The following SPATA31H1 variants were observed in gnomAD, a reference collection of about 807,000 sequenced individuals.
SPATA31H1 encodes the protein SPATA31 subfamily H member 1.
At chr2:27,541,352 C>T in the SPATA31H1 span, among the ~76,000 whole-genome samples, 1 of 151,468 alleles carries the variant, frequency 6.6e-6, no homozygotes, top group African/African-American at 2.4e-5. Flanking sequence ...GCAGTACCGT[C>T]CAGCTTTGGC....
At chr2:27,564,116 T>G in the SPATA31H1 span, among the ~76,000 whole-genome samples, 1 of 152,224 alleles carries the variant, frequency 6.6e-6, no homozygotes, top group Non-Finnish European at 1.5e-5. Flanking sequence ...ATTTTCAATT[T>G]GAGGGTTCCT....
chr2:27,579,992 G>A, the SPATA31H1 span: 27 of 1,613,966 alleles, frequency 1.7e-5, no homozygotes, highest in South Asian at 2.3e-4. Context: ...AGACCACTTC[G>A]GGGCCTTATC....
chr2:27,555,881 C>T, the SPATA31H1 span, among the ~76,000 whole-genome samples: 1 of 151,896 alleles, frequency 6.6e-6, no homozygotes, highest in African/African-American at 2.4e-5. Flanking sequence ...CGCCTGTAAT[C>T]CCAGCACTTT....
At chr2:27,561,858 C>A in the SPATA31H1 span, among the ~76,000 whole-genome samples, 67 of 152,274 alleles carry the variant, frequency 4.4e-4, no homozygotes, top group Admixed American at 2.0e-3. Flanking sequence ...GCCACCACGC[C>A]CAGCTAGCTT....
chr2:27,578,020 A>G, the SPATA31H1 span: 2 of 1,614,136 alleles, frequency 1.2e-6, no homozygotes, highest in East Asian at 2.2e-5. Context: ...GAGCCACTAG[A>G]TCAAGTCACA....
the SPATA31H1 span, chr2:27,581,084 C>T: frequency 6.2e-7 from 1 of 1,614,164 alleles, no homozygotes. Flanking sequence ...AGAACTTGTC[C>T]ACACCAGGAA....
the SPATA31H1 span, among the ~76,000 whole-genome samples, chr2:27,564,530 T>C: frequency 5.9e-5 from 9 of 152,158 alleles, no homozygotes; most frequent in Non-Finnish European, 7.4e-5. Flanking sequence ...TTTAAAAGGA[T>C]GCTGGGCTGG....
the SPATA31H1 span, among the ~76,000 whole-genome samples, chr2:27,558,947 G>A: frequency 5.4e-5 from 8 of 147,884 alleles, no homozygotes; most frequent in Non-Finnish European, 1.2e-4. Context: ...GAGGGAGAGG[G>A]AGAGGGAGAG....
the SPATA31H1 span, chr2:27,568,068 T>A: frequency 2.5e-6 from 1 of 398,870 alleles, no homozygotes; most frequent in Non-Finnish European, 4.4e-6. Flanking sequence ...GGCCACAAGA[T>A]TACTGAATCA....
the SPATA31H1 span, chr2:27,570,688 T>C: frequency 2.5e-6 from 1 of 398,952 alleles, no homozygotes; most frequent in Non-Finnish European, 4.4e-6. Flanking sequence ...GTTTTAGAGA[T>C]GACCCCAGGG....
chr2:27,575,214 T>C, the SPATA31H1 span: 1 of 398,434 alleles, frequency 2.5e-6, no homozygotes, highest in Non-Finnish European at 4.4e-6. This position sits in a 1 kb window ranked among gnomAD's most constrained non-coding sequence, Gnocchi z 4.1. Context: ...TGCAAAACTC[T>C]CTAAGTTGGC....
chr2:27,561,888 A>T, the SPATA31H1 span, among the ~76,000 whole-genome samples: 1 of 152,072 alleles, frequency 6.6e-6, no homozygotes, highest in African/African-American at 2.4e-5. Flanking sequence ...TTTTGTAGAG[A>T]TGGGGTTTCG....
the SPATA31H1 span, chr2:27,580,646 G>A: frequency 6.2e-7 from 1 of 1,614,214 alleles, no homozygotes; most frequent in Non-Finnish European, 8.5e-7. Context: ...AGAGCCTAAA[G>A]CGGGCATTCC....
chr2:27,541,376 G>A, the SPATA31H1 span, among the ~76,000 whole-genome samples: 1 of 151,306 alleles, frequency 6.6e-6, no homozygotes, highest in South Asian at 2.1e-4. Flanking sequence ...GCATCAGAGG[G>A]AGACCGTGGA....
the SPATA31H1 span, among the ~76,000 whole-genome samples, chr2:27,561,968 T>C: frequency 6.6e-6 from 1 of 152,332 alleles, no homozygotes; most frequent in Admixed American, 6.5e-5. Flanking sequence ...CCCAAAGTGC[T>C]GGGATTACAG....
chr2:27,549,994 A>G, the SPATA31H1 span, among the ~76,000 whole-genome samples: 1 of 151,820 alleles, frequency 6.6e-6, no homozygotes, highest in Non-Finnish European at 1.5e-5. Context: ...ATACTTGAAA[A>G]CACAAAAGAT....
the SPATA31H1 span, chr2:27,576,563 T>C: frequency 6.5e-7 from 1 of 1,546,666 alleles, no homozygotes; most frequent in Non-Finnish European, 8.7e-7. Flanking sequence ...GCTTTCAAGA[T>C]GTAAAACCTA....
the SPATA31H1 span, among the ~76,000 whole-genome samples, chr2:27,564,994 C>T: frequency 6.6e-6 from 1 of 151,952 alleles, no homozygotes; most frequent in African/African-American, 2.4e-5. Context: ...CAAAAGTGCA[C>T]CTGACAATCA....
the SPATA31H1 span, chr2:27,580,241 G>C: frequency 6.2e-7 from 1 of 1,614,136 alleles, no homozygotes; most frequent in South Asian, 1.1e-5. Flanking sequence ...GGCCTTCCCA[G>C]TCCCCTGCTC....
Sources: allele counts gnomAD v4.1 joint callset (sites outside exome capture counted in the v4.1 genomes callset), GRCh38; gene constraint gnomAD v4.1.1; non-coding constraint Gnocchi (gnomAD v3.1); transcripts MANE v1.5; gene names NCBI Gene and HGNC (gene_info 2026-07-23, HGNC 2026-07-21).